The following PBRM1 variants were observed in gnomAD, a reference collection of about 807,000 sequenced individuals.
PBRM1 encodes the protein protein polybromo-1.
PBRM1 carries 27 observed loss-of-function variants against 194.5 expected under a neutral mutation model. The ratio of observed to expected loss-of-function variants is 0.14; its 90% CI spans 0.10 to 0.19. The LOEUF (loss-of-function observed/expected upper bound fraction) is 0.19, where lower values mean the gene tolerates loss of function less well. PBRM1 is among the 10% of genes least tolerant of loss of function. PBRM1 has a pLI of 1.00. For missense variants in PBRM1, 1,466 were observed against 2,077.2 expected, an observed-to-expected ratio of 0.71 and a Z score of 5.72; for synonymous variants, 655 against 693.2, an observed-to-expected ratio of 0.94 and a Z score of 0.87.
intron 20 of PBRM1, among the ~76,000 whole-genome samples, chr3:52,580,988 AC>A (rs1333687296): frequency 1.3e-5 from 2 of 152,210 alleles, no homozygotes; most frequent in Non-Finnish European, 2.9e-5. Context: ...TTTACTGAGA[AC>A]CTAGCTGATA....
At chr3:52,652,550 C>T (rs1434608182) in intron 5 of PBRM1, among the ~76,000 whole-genome samples, 1 of 151,286 alleles carries the variant, frequency 6.6e-6, no homozygotes, top group African/African-American at 2.4e-5. Context: ...ATTGGCTGGG[C>T]ATGGTGGCAT....
Position 52,550,642 on chromosome 3 carries a change from AAG to A in PBRM1, c.4681-7_4681-6del, listed in dbSNP as rs746505569. 2.0e-6 allele frequency: 3 copies of A among 1,529,108 alleles called. No homozygotes were observed. In the South Asian group the frequency reaches 3.8e-5, roughly 19 times the overall value. The allele number at this position is 1,529,108 out of a possible 1,614,324, so 94.7% of individuals were successfully genotyped here. On this transcript the variant is annotated splice_region_variant and splice_polypyrimidine_tract_variant and intron_variant, in intron 28 of 29. Coordinates refer to ENST00000296302, the Ensembl canonical transcript of PBRM1. ...TGGAGGCCCCAAAACTCCCACCTGA[AAG>A]AGCACAGGACCACATGGTGAGGCAA... is the stretch of plus-strand genomic sequence containing the variant.
At chr3:52,611,843 A>C (rs907756840) in intron 15 of PBRM1, among the ~76,000 whole-genome samples, 10 of 152,050 alleles carry the variant, frequency 6.6e-5, no homozygotes, top group African/African-American at 2.4e-4. Context: ...AAAAAACCCC[A>C]CAACATATGG....
At chr3:52,678,588 A>T (rs748868709) in exon 2 of PBRM1, 1 of 1,606,346 alleles carries the variant, frequency 6.2e-7, no homozygotes, top group Admixed American at 1.7e-5. Flanking sequence ...AGTTCATGGC[A>T]CACGGCAATC....
At chr3:52,634,648 C>A in exon 11 of PBRM1, 1 of 1,613,396 alleles carries the variant, frequency 6.2e-7, no homozygotes, top group Non-Finnish European at 8.5e-7. Context: ...TGGTAATAAT[C>A]AGGGTATTTT....
In PBRM1 at chr3:52,592,260, T is replaced by C. The variant is rs528496804; in HGVS notation, c.2780-3005A>G. Among the ~76,000 whole-genome samples the C allele has an allele frequency of 3.3e-5, 5 of 151,636 alleles. No individual in the cohort carries two copies. The South Asian group carries it at 6.3e-4, about 19-fold the overall frequency. ...GATTCTCCTGCCTCGGCCTCTCGAATAGCTAGGACTACAGGTGCGTGCCAC... is the reference window on the plus strand; with the variant it reads ...GATTCTCCTGCCTCGGCCTCTCGAACAGCTAGGACTACAGGTGCGTGCCAC... On this transcript the variant is annotated intron_variant, in intron 17 of 29. Coordinates refer to ENST00000296302, the Ensembl canonical transcript of PBRM1.
At chr3:52,643,260 C>T (rs1295615404) in exon 9 of PBRM1, 1 of 1,611,118 alleles carries the variant, frequency 6.2e-7, no homozygotes, top group African/African-American at 1.3e-5. Flanking sequence ...GTAATACTTG[C>T]TAGTGGGATT....
chr3:52,586,348 A>T, intron 20 of PBRM1, 77 bp downstream of exon 22: 1 of 1,241,006 alleles, frequency 8.1e-7, no homozygotes. Context: ...TCTAAGTTTG[A>T]ATACTTTATT....
chr3:52,574,415 G>C (rs973307822), intron 22 of PBRM1, among the ~76,000 whole-genome samples: 13 of 152,128 alleles, frequency 8.5e-5, no homozygotes, highest in Non-Finnish European at 5.9e-5. Flanking sequence ...AATTTCGAAG[G>C]GGGCACAAAC....
At chr3:52,634,729 T>C in exon 11 of PBRM1, 2 of 1,613,864 alleles carry the variant, frequency 1.2e-6, no homozygotes, top group Non-Finnish European at 1.7e-6. Flanking sequence ...CTCCTAACTG[T>C]GTCATAAAGC....
At chr3:52,601,498 C>T (rs1044584801) in intron 17 of PBRM1, among the ~76,000 whole-genome samples, 1 of 152,092 alleles carries the variant, frequency 6.6e-6, no homozygotes, top group Non-Finnish European at 1.5e-5. Context: ...AATGCCACCA[C>T]TGATCTAACA....
At chr3:52,552,253 C>A (rs774904065) in intron 27 of PBRM1, among the ~76,000 whole-genome samples, 11 of 152,282 alleles carry the variant, frequency 7.2e-5, no homozygotes, top group Non-Finnish European at 1.2e-4. Context: ...CTGTGTAAAT[C>A]ATTGCTTTGC....
At chr3:52,550,382 G>T in intron 29 of PBRM1, 39 bp downstream of exon 31, 1 of 1,092,006 alleles carries the variant, frequency 9.2e-7, no homozygotes, top group Non-Finnish European at 1.3e-6. Context: ...CTTTGAGGAA[G>T]CATGTATTTC....
At chr3:52,577,092 A>T (rs971860078) in intron 21 of PBRM1, among the ~76,000 whole-genome samples, 7 of 152,240 alleles carry the variant, frequency 4.6e-5, no homozygotes, top group Non-Finnish European at 4.4e-5. Flanking sequence ...TGAGTGGCAG[A>T]CATTCCTTTA....
At chr3:52,668,167 C>T (rs937085804) in intron 3 of PBRM1, among the ~76,000 whole-genome samples, 5 of 152,040 alleles carry the variant, frequency 3.3e-5, no homozygotes, top group Non-Finnish European at 5.9e-5. Flanking sequence ...CATGGTGGCA[C>T]GTGCCTATAG....
chr3:52,666,922 G>C (rs1020985073), intron 3 of PBRM1, among the ~76,000 whole-genome samples: 1 of 151,202 alleles, frequency 6.6e-6, no homozygotes, highest in African/African-American at 2.4e-5. Context: ...TAAAGCCAAA[G>C]TAATTAAGAT....
In PBRM1 at chr3:52,578,665, G is replaced by A. The variant is rs142354294; in HGVS notation, c.3533+389C>T. Among the ~76,000 whole-genome samples, 21 of 152,334 alleles carry A rather than the reference G, an allele frequency of 1.4e-4. No homozygotes were observed. The East Asian group carries it at 4.0e-3, about 29-fold the overall frequency. Reference sequence around the variant, plus strand: ...GGGTGAAACCTGACAATAACACAATGAACACCGATATGTGATATATACGCT... The same window carrying A: ...GGGTGAAACCTGACAATAACACAATAAACACCGATATGTGATATATACGCT... On this transcript the variant is annotated intron_variant, in intron 21 of 29. Transcript: ENST00000296302.
At chr3:52,604,826 C>T (rs1387948729) in intron 16 of PBRM1, among the ~76,000 whole-genome samples, 1 of 152,044 alleles carries the variant, frequency 6.6e-6, no homozygotes, top group African/African-American at 2.4e-5. Context: ...TGATGGTGCA[C>T]ACATGTAATC....
In PBRM1 at chr3:52,609,605, T is replaced by C. The variant is rs760334376; in HGVS notation, c.2275A>G (p.Thr759Ala). Reference sequence around the variant, plus strand: ...TCATCTCCCTCCAGGTCTCTGCGTGTTTCAAGCAGGACTTTGTGTAGAACA... The same window carrying C: ...TCATCTCCCTCCAGGTCTCTGCGTGCTTCAAGCAGGACTTTGTGTAGAACA... The change falls in exon 16 of 30, where the codon ACA becomes GCA. Residue 759 changes from threonine to alanine, a missense_variant. Transcript: ENST00000296302. This position sits in a 1 kb window ranked among gnomAD's most constrained non-coding sequence, Gnocchi z 4.1. The C allele has an allele frequency of 1.2e-5, 20 of 1,612,968 alleles. No homozygotes were observed. The highest frequency in any genetic ancestry group is 1.5e-5 in the Non-Finnish European group (18 of 1,179,532).
Sources: allele counts gnomAD v4.1 joint callset (sites outside exome capture counted in the v4.1 genomes callset), GRCh38; gene constraint gnomAD v4.1.1; non-coding constraint Gnocchi (gnomAD v3.1); transcripts MANE v1.5; gene names NCBI Gene and HGNC (gene_info 2026-07-23, HGNC 2026-07-21).